The following COL4A4 variants were observed in gnomAD, a reference collection of about 807,000 sequenced individuals.
COL4A4 encodes collagen alpha-4(IV) chain.
A neutral mutation model predicts 192.9 loss-of-function variants in COL4A4; 105 were observed. The observed-to-expected ratio is 0.54, with a 90% CI of 0.46 to 0.64. The LOEUF is 0.64. Ranked by LOEUF, COL4A4 falls within the 30% of genes least tolerant of loss-of-function variation. COL4A4 has a pLI of 0.00. For missense variants in COL4A4, 1,967 were observed against 2,169.3 expected (o/e 0.91, Z 1.85); for synonymous variants, 762 against 769.9 (o/e 0.99, Z 0.17).
In COL4A4 at chr2:227,010,376, G is replaced by A. The variant is rs746599360; in HGVS notation, c.4459C>T (p.Leu1487Phe). 6.2e-7 allele frequency: 1 copy of A among 1,614,236 alleles called. No individual in the cohort carries two copies. The highest frequency in any genetic ancestry group is 1.7e-5 in the Admixed American group (1 of 60,038). ...EPTCPLGMPR[L>F]WTGYSLLYLE... ...TATAACAGACTATACCCAGTCCAGAGCCTGGGCATGCCCAGGGGGCAGGTG... is the reference window on the plus strand; with the variant it reads ...TATAACAGACTATACCCAGTCCAGAACCTGGGCATGCCCAGGGGGCAGGTG... The change falls in exon 46 of 48, where the codon CTC becomes TTC. Residue 1487 changes from leucine (L) to phenylalanine (F), a missense_variant. Leu to Phe is a conservative substitution (Grantham distance 22). Transcript: ENST00000396625.
At chr2:227,066,993 A>G (rs1224882451) in intron 25 of COL4A4, among the ~76,000 whole-genome samples, 7 of 148,688 alleles carry the variant, frequency 4.7e-5, no homozygotes, top group African/African-American at 1.7e-4. Context: ...AGAGACACAC[A>G]TAGGCTCAAA....
At chr2:227,132,311 T>C (rs1486497038) in intron 4 of COL4A4, among the ~76,000 whole-genome samples, 1 of 152,154 alleles carries the variant, frequency 6.6e-6, no homozygotes, top group Non-Finnish European at 1.5e-5. Flanking sequence ...GAGGGGAGTC[T>C]TGTCTGTCTC....
At chr2:227,012,086 G>T (rs960068962) in intron 45 of COL4A4, 95 bp downstream of exon 45, 39 of 955,520 alleles carry the variant, frequency 4.1e-5, no homozygotes, top group Non-Finnish European at 6.4e-5. Flanking sequence ...ATCTGAATAG[G>T]ATCCAGTTTG....
At chr2:226,994,989 CG>C in the COL4A4 span, among the ~76,000 whole-genome samples, 1 of 151,596 alleles carries the variant, frequency 6.6e-6, no homozygotes, top group Non-Finnish European at 1.5e-5. Flanking sequence ...GGGCAGGAGG[CG>C]GCACATTAGA....
At chr2:227,146,189 G>C (rs1344919496) in intron 2 of COL4A4, among the ~76,000 whole-genome samples, 1 of 152,184 alleles carries the variant, frequency 6.6e-6, no homozygotes, top group Non-Finnish European at 1.5e-5. Flanking sequence ...GAGGGGGCCA[G>C]CTCGGGTCAG....
chr2:226,978,308 GC>G, the COL4A4 span, among the ~76,000 whole-genome samples: 1 of 152,002 alleles, frequency 6.6e-6, no homozygotes, highest in Non-Finnish European at 1.5e-5. Flanking sequence ...TAGCCTGCTA[GC>G]CCCCCATTAA....
chr2:226,998,319 A>G (rs151008266), downstream of COL4A4: 3 of 152,214 alleles, frequency 2.0e-5, no homozygotes, highest in East Asian at 3.9e-4. Flanking sequence ...CTGTCTATCT[A>G]TTTGGCACAT....
intron 26 of COL4A4, 31 bp downstream of exon 26, chr2:227,062,499 A>G (rs1309732571): frequency 7.4e-7 from 1 of 1,344,974 alleles, no homozygotes; most frequent in South Asian, 1.2e-5. Flanking sequence ...TCTGGGAAGT[A>G]TATAAGACAG....
Position 227,050,250 on chromosome 2 carries a change from AC to A in COL4A4, c.3151-120del. ...TTGGTTTTTGTAATCTGCAGTGGTA[AC>A]GAAAGTTTAAATGCATGCAAGCCTC... is the stretch of plus-strand genomic sequence containing the variant. On this transcript the variant is annotated intron_variant, in intron 33 of 47. Coordinates refer to ENST00000396625, the MANE Select transcript of COL4A4 (RefSeq NM_000092.5). 4 of 883,368 alleles carry A rather than the reference AC, an allele frequency of 4.5e-6. No individual in the cohort carries two copies. In the Admixed American group the frequency reaches 7.2e-5, roughly 16 times the overall value. 54.7% of individuals were successfully genotyped at this position (883,368 alleles called of 1,614,324 possible). A position where few individuals can be genotyped will look rare whatever the true frequency, so the allele number is the denominator to read the frequency against.
At chr2:227,103,743 G>C (rs948213489) in intron 13 of COL4A4, among the ~76,000 whole-genome samples, 5 of 152,186 alleles carry the variant, frequency 3.3e-5, no homozygotes, top group African/African-American at 1.2e-4. Flanking sequence ...AGCAGCCTGA[G>C]CTAGGTCTGC....
chr2:227,042,919 G>A (rs1971750560), intron 36 of COL4A4, among the ~76,000 whole-genome samples, 158 bp downstream of exon 36: 1 of 152,226 alleles, frequency 6.6e-6, no homozygotes. Context: ...TAGCTTATAG[G>A]TGAGGCATAG....
rs560174095 is a variant in COL4A4, at chr2:227,076,799, A to G, written c.1987+1095T>C. 3.9e-5 allele frequency among the ~76,000 whole-genome samples: 6 copies of G among 152,280 alleles called. No homozygotes were observed. The South Asian group carries it at 1.2e-3, about 32-fold the overall frequency. On this transcript the variant is annotated intron_variant, in intron 25 of 47. Coordinates refer to ENST00000396625, the MANE Select transcript of COL4A4 (RefSeq NM_000092.5). The stretch of plus-strand genomic sequence containing the variant: ...AACTTAAACAAATTTACAAGAAAAA[A>G]CCAACCCCTTCAAAAAGTGGGTGAA...
chr2:227,040,717 C>T (rs1970618969), intron 37 of COL4A4, among the ~76,000 whole-genome samples: 1 of 151,884 alleles, frequency 6.6e-6, no homozygotes, highest in Non-Finnish European at 1.5e-5. Context: ...AGGCATGCAC[C>T]ACCACAGAGC....
chr2:227,147,178 G>A (rs1263761988), intron 2 of COL4A4: 4 of 649,500 alleles, frequency 6.2e-6, no homozygotes, highest in African/African-American at 1.8e-5. Flanking sequence ...CAAGAATCTG[G>A]GGCCTTTCCT....
chr2:227,084,220 T>C (rs926795398), intron 22 of COL4A4, among the ~76,000 whole-genome samples: 2 of 152,204 alleles, frequency 1.3e-5, no homozygotes, highest in East Asian at 1.9e-4. Context: ...CCAAAGTGTA[T>C]GTCATATGGT....
chr2:227,062,663 C>T, intron 25 of COL4A4, 65 bp from the exon 26 acceptor site: 1 of 1,095,408 alleles, frequency 9.1e-7, no homozygotes, highest in Non-Finnish European at 1.4e-6. Context: ...GAGTCTGTCT[C>T]AATGACAACT....
chr2:227,081,469 A>C (rs1273428255), intron 23 of COL4A4, among the ~76,000 whole-genome samples: 1 of 152,128 alleles, frequency 6.6e-6, no homozygotes, highest in African/African-American at 2.4e-5. Context: ...TCAGCCACAG[A>C]CTGAGGGCCA....
the COL4A4 span, among the ~76,000 whole-genome samples, chr2:226,993,209 T>A: frequency 6.6e-6 from 1 of 152,240 alleles, no homozygotes; most frequent in African/African-American, 2.4e-5. Context: ...CTTTTTCTTT[T>A]GAAGAAACGC....
chr2:227,054,979 G>A (rs566460183), intron 30 of COL4A4, among the ~76,000 whole-genome samples: 2 of 152,044 alleles, frequency 1.3e-5, no homozygotes, highest in East Asian at 1.9e-4. Context: ...TAGTAGAGAC[G>A]GAGTTTCACC....
Sources: allele counts gnomAD v4.1 joint callset (sites outside exome capture counted in the v4.1 genomes callset), GRCh38; gene constraint gnomAD v4.1.1; transcripts MANE v1.5; gene names NCBI Gene and HGNC (gene_info 2026-07-23, HGNC 2026-07-21).